Variants in CHCHD3 observed in about 807,000 individuals in gnomAD.
CHCHD3 encodes the protein coiled-coil-helix-coiled-coil-helix domain containing 3, also known as MICOS complex subunit MIC19.
A neutral mutation model predicts 38.2 loss-of-function variants in CHCHD3; 20 were observed. That is an observed-to-expected ratio of 0.52 (90% CI 0.37 to 0.76). The LOEUF is 0.76. CHCHD3 is among the 30% of genes least tolerant of loss of function. The probability of loss-of-function intolerance (pLI) is 0.00; values close to 1 mark genes in which losing one functional copy is unlikely to be tolerated. For missense variants in CHCHD3, 245 were observed against 279.2 expected (o/e 0.88, Z 0.87); for synonymous variants, 82 against 100.0 (o/e 0.82, Z 1.07).
At chr7:132,839,701 CA>C (rs1282017158) in intron 5 of CHCHD3, among the ~76,000 whole-genome samples, 1 of 152,120 alleles carries the variant, frequency 6.6e-6, no homozygotes, top group Non-Finnish European at 1.5e-5. Flanking sequence ...TTGCATTTAA[CA>C]ATCTTGGTTG....
chr7:132,981,515 C>G (rs1328704739), intron 3 of CHCHD3, among the ~76,000 whole-genome samples: 1 of 152,130 alleles, frequency 6.6e-6, no homozygotes, highest in Non-Finnish European at 1.5e-5. Context: ...TTAAAATAGG[C>G]TCTTTTAAAA....
chr7:132,857,658 T>G (rs1258596106), intron 5 of CHCHD3, among the ~76,000 whole-genome samples: 1 of 152,198 alleles, frequency 6.6e-6, no homozygotes, highest in Non-Finnish European at 1.5e-5. Context: ...TCAGCCTGCC[T>G]TGGCGTCCCA....
intron 2 of CHCHD3, among the ~76,000 whole-genome samples, chr7:133,027,127 C>T (rs1319183382): frequency 2.6e-5 from 4 of 151,342 alleles, no homozygotes; most frequent in African/African-American, 9.7e-5. Context: ...TTGGTAGAGA[C>T]GGGATTTCAC....
At chr7:133,008,131 C>G (rs1411629791) in intron 3 of CHCHD3, among the ~76,000 whole-genome samples, 4 of 152,294 alleles carry the variant, frequency 2.6e-5, no homozygotes, top group Non-Finnish European at 5.9e-5. Flanking sequence ...GGACAACACC[C>G]TTAAGATGAC....
chr7:132,852,602 C>T (rs1383066030), intron 5 of CHCHD3, among the ~76,000 whole-genome samples: 1 of 152,152 alleles, frequency 6.6e-6, no homozygotes, highest in African/African-American at 2.4e-5. Flanking sequence ...TCCAGGTTGA[C>T]AGAAAAACTG....
intron 5 of CHCHD3, among the ~76,000 whole-genome samples, chr7:132,863,815 A>T (rs1469443737): frequency 2.0e-5 from 3 of 152,146 alleles, no homozygotes; most frequent in Non-Finnish European, 4.4e-5. Flanking sequence ...CTTTCCATAA[A>T]CCTCATGATC....
At chr7:132,811,254 C>A (rs1807062170) in intron 6 of CHCHD3, among the ~76,000 whole-genome samples, 1 of 152,286 alleles carries the variant, frequency 6.6e-6, no homozygotes, top group Non-Finnish European at 1.5e-5. Context: ...GTGGGATTTT[C>A]TCTCCTGAGA....
chr7:133,072,825 CAA>C (rs34614646), intron 1 of CHCHD3, among the ~76,000 whole-genome samples: 11 of 122,998 alleles, frequency 8.9e-5, no homozygotes, highest in Non-Finnish European at 8.3e-5. Context: ...GACTCCGTCT[CAA>C]AAAAAAAAAA....
intron 6 of CHCHD3, among the ~76,000 whole-genome samples, chr7:132,836,476 T>A (rs945072455): frequency 6.6e-6 from 1 of 151,980 alleles, no homozygotes; most frequent in African/African-American, 2.4e-5. Flanking sequence ...AGACTTCCCA[T>A]CTGATTGTTT....
intron 4 of CHCHD3, among the ~76,000 whole-genome samples, chr7:132,923,701 T>C (rs1257484384): frequency 6.6e-6 from 1 of 152,144 alleles, no homozygotes; most frequent in Admixed American, 6.5e-5. Flanking sequence ...TTTTCAAATA[T>C]GCCTTGTCAA....
chr7:132,858,412 T>C (rs1056661853), intron 5 of CHCHD3, among the ~76,000 whole-genome samples: 8 of 152,208 alleles, frequency 5.3e-5, no homozygotes, highest in Non-Finnish European at 8.8e-5. Flanking sequence ...CCAACTTTTA[T>C]TATATACCTT....
chr7:132,803,805 C>T (rs1387964522), intron 6 of CHCHD3, among the ~76,000 whole-genome samples: 1 of 144,432 alleles, frequency 6.9e-6, no homozygotes, highest in Non-Finnish European at 1.5e-5. Flanking sequence ...TGTGCCCAGC[C>T]AGTCCCTCTG....
chr7:132,893,216 G>A (rs1054813919), intron 4 of CHCHD3, among the ~76,000 whole-genome samples: 9 of 152,162 alleles, frequency 5.9e-5, no homozygotes, highest in Non-Finnish European at 1.0e-4. Context: ...CTTGCATGAG[G>A]GTGAACTAGA....
Position 132,984,757 on chromosome 7 carries a change from G to A in CHCHD3, c.252-9471C>T, listed in dbSNP as rs1377766956. Among the ~76,000 whole-genome samples, 9 of 147,790 alleles carry A rather than the reference G, an allele frequency of 6.1e-5. No individual in the cohort carries two copies. The East Asian group carries it at 6.2e-4, about 10-fold the overall frequency. On this transcript the variant is annotated intron_variant, in intron 3 of 7. Coordinates refer to ENST00000262570, the MANE Select transcript of CHCHD3 (RefSeq NM_017812.4). ...AGACCCTCTGCCTGGCAACCGGCCC[G>A]TCTGAGAAGTGAGGAGCCCCTCCGC...
intron 2 of CHCHD3, among the ~76,000 whole-genome samples, chr7:133,030,687 A>G (rs575538266): frequency 4.6e-5 from 7 of 152,328 alleles, no homozygotes; most frequent in African/African-American, 1.7e-4. Context: ...TTTTCTTTCC[A>G]TACTTGTATA....
chr7:132,908,409 A>C (rs1809851180), intron 4 of CHCHD3, among the ~76,000 whole-genome samples: 1 of 152,214 alleles, frequency 6.6e-6, no homozygotes, highest in Non-Finnish European at 1.5e-5. Context: ...TAAATTTTTA[A>C]ATGTCTTAAT....
intron 5 of CHCHD3, among the ~76,000 whole-genome samples, chr7:132,846,156 C>T (rs925862126): frequency 6.6e-5 from 10 of 152,296 alleles, no homozygotes; most frequent in African/African-American, 2.4e-4. Context: ...GAGTTTACTT[C>T]CCCATCCCTT....
chr7:133,013,928 T>C (rs564719932), intron 3 of CHCHD3, among the ~76,000 whole-genome samples: 9 of 152,314 alleles, frequency 5.9e-5, no homozygotes, highest in Admixed American at 1.3e-4. Context: ...GTTTAAGGAA[T>C]GAATTTCCTA....
chr7:132,858,591 A>G (rs950947210), intron 5 of CHCHD3, among the ~76,000 whole-genome samples: 1 of 152,180 alleles, frequency 6.6e-6, no homozygotes, highest in Non-Finnish European at 1.5e-5. Context: ...TGAATAGCCT[A>G]GTATTGTGCC....
Sources: allele counts gnomAD v4.1 joint callset (sites outside exome capture counted in the v4.1 genomes callset), GRCh38; gene constraint gnomAD v4.1.1; transcripts MANE v1.5; gene names NCBI Gene and HGNC (gene_info 2026-07-23, HGNC 2026-07-21).